KIF6: variants seen among roughly 807,000 people sequenced by gnomAD.
KIF6 encodes kinesin-like protein KIF6.
KIF6 carries 106 observed loss-of-function variants against 112.7 expected under a neutral mutation model. That is an observed-to-expected ratio of 0.94 (90% CI 0.80 to 1.11). The LOEUF is 1.11. Ranked by LOEUF, KIF6 falls within the 50% of genes least tolerant of loss-of-function variation. The probability of loss-of-function intolerance (pLI) is 0.00; values close to 1 mark genes in which losing one functional copy is unlikely to be tolerated. For missense variants in KIF6, 929 were observed against 964.0 expected, an observed-to-expected ratio of 0.96 and a Z score of 0.48; for synonymous variants, 339 against 339.9, an observed-to-expected ratio of 1.00 and a Z score of 0.03.
chr6:39,540,767 T>A (rs1053005812), intron 12 of KIF6, among the ~76,000 whole-genome samples: 2 of 152,228 alleles, frequency 1.3e-5, no homozygotes, highest in East Asian at 3.9e-4. Context: ...TATGTAGAGT[T>A]CACTCAGATG....
chr6:39,390,121 A>G (rs2150321846), intron 15 of KIF6, among the ~76,000 whole-genome samples: 1 of 152,200 alleles, frequency 6.6e-6, no homozygotes, highest in Middle Eastern at 3.5e-3. Flanking sequence ...TTCTTAGTTG[A>G]ATGGGCTAAC....
chr6:39,722,132 T>G (rs771218826), intron 1 of KIF6, among the ~76,000 whole-genome samples: 5 of 152,094 alleles, frequency 3.3e-5, no homozygotes, highest in Non-Finnish European at 5.9e-5. Context: ...AATTATATCC[T>G]GTTGGGCACT....
intron 13 of KIF6, among the ~76,000 whole-genome samples, chr6:39,508,961 C>T (rs1776605859): frequency 6.6e-6 from 1 of 152,158 alleles, no homozygotes; most frequent in Non-Finnish European, 1.5e-5. Flanking sequence ...AACTGGGAGA[C>T]ACCTCCCAGT....
chr6:39,567,887 G>A (rs533178254), intron 10 of KIF6, among the ~76,000 whole-genome samples: 143 of 152,298 alleles, frequency 9.4e-4, no homozygotes, highest in Non-Finnish European at 1.7e-3. Context: ...GATTACAGGT[G>A]TGAGCCACTG....
chr6:39,551,602 T>C (rs933778178), intron 10 of KIF6, among the ~76,000 whole-genome samples: 8 of 152,076 alleles, frequency 5.3e-5, no homozygotes, highest in Non-Finnish European at 1.0e-4. Context: ...ATATCACATG[T>C]CCTATAAATA....
At chr6:39,720,288 T>C (rs562567096) in intron 2 of KIF6, among the ~76,000 whole-genome samples, 1 of 152,192 alleles carries the variant, frequency 6.6e-6, no homozygotes, top group South Asian at 2.1e-4. Context: ...AGATATAGAG[T>C]ATACATATGT....
At chr6:39,680,359 G>T (rs1212699777) in intron 3 of KIF6, among the ~76,000 whole-genome samples, 1 of 152,174 alleles carries the variant, frequency 6.6e-6, no homozygotes, top group East Asian at 1.9e-4. Context: ...GAGCAGACAT[G>T]GCACTTTAAT....
At chr6:39,553,363 C>A (rs897120579) in intron 10 of KIF6, among the ~76,000 whole-genome samples, 4 of 152,290 alleles carry the variant, frequency 2.6e-5, no homozygotes, top group African/African-American at 2.4e-5. Context: ...AAAGCACAGT[C>A]ATGTAGTACC....
At chr6:39,346,655 C>CTT in intron 19 of KIF6, 129 bp from the exon 20 acceptor site, 2 of 531,252 alleles carry the variant, frequency 3.8e-6, no homozygotes, top group Admixed American at 3.4e-5. Context: ...TTCTTTTTTT[C>CTT]TTTTTTTTTG....
At chr6:39,683,161 C>T (rs991189664) in intron 3 of KIF6, among the ~76,000 whole-genome samples, 60 of 152,264 alleles carry the variant, frequency 3.9e-4, no homozygotes, top group African/African-American at 1.2e-3. Context: ...GCCTTTATAG[C>T]ACTTTAAACA....
chr6:39,629,511 T>A (rs1175367756), intron 5 of KIF6, among the ~76,000 whole-genome samples: 1 of 152,136 alleles, frequency 6.6e-6, no homozygotes, highest in East Asian at 1.9e-4. Flanking sequence ...TTTAAAAATT[T>A]GGGCATTTAT....
chr6:39,376,959 C>T (rs909973824), intron 16 of KIF6, among the ~76,000 whole-genome samples: 1 of 152,202 alleles, frequency 6.6e-6, no homozygotes, highest in African/African-American at 2.4e-5. Flanking sequence ...AGTGGCTGTC[C>T]TCACCCTTGC....
At chr6:39,376,774 C>T (rs1356968039) in intron 16 of KIF6, among the ~76,000 whole-genome samples, 1 of 152,048 alleles carries the variant, frequency 6.6e-6, no homozygotes, top group African/African-American at 2.4e-5. Context: ...GAAGTTTGGA[C>T]TATCTGACTT....
At chr6:39,563,258 A>G (rs1316057297) in intron 10 of KIF6, among the ~76,000 whole-genome samples, 1 of 152,196 alleles carries the variant, frequency 6.6e-6, no homozygotes, top group Non-Finnish European at 1.5e-5. Flanking sequence ...AAGAAAATTT[A>G]GAAGACAAAA....
intron 13 of KIF6, among the ~76,000 whole-genome samples, chr6:39,491,655 T>A (rs1469855841): frequency 6.6e-6 from 1 of 152,026 alleles, no homozygotes; most frequent in Non-Finnish European, 1.5e-5. Flanking sequence ...ACTTGTAGAG[T>A]CTGTTAGTGA....
In KIF6 at chr6:39,337,660, C is replaced by T. The variant is rs1354257333; in HGVS notation, c.2429-1112G>A. On this transcript the variant is annotated intron_variant, in intron 22 of 22. Coordinates refer to ENST00000287152, the MANE Select transcript of KIF6 (RefSeq NM_145027.6). ...TCCTACCTAATCCTCAGATTCTCTC[C>T]TTGCTTTTTCCTCCAGATATTAATT... Among the ~76,000 whole-genome samples the T allele has an allele frequency of 2.6e-5, 4 of 152,190 alleles. No individual in the cohort carries two copies. In the East Asian group the frequency reaches 7.7e-4, roughly 29 times the overall value.
chr6:39,574,423 C>A (rs1303199022), intron 10 of KIF6, among the ~76,000 whole-genome samples: 1 of 152,166 alleles, frequency 6.6e-6, no homozygotes, highest in Non-Finnish European at 1.5e-5. Flanking sequence ...TTCATCTTCA[C>A]ATTTGAATAC....
chr6:39,703,505 G>A (rs1561944107), intron 3 of KIF6, among the ~76,000 whole-genome samples: 1 of 151,940 alleles, frequency 6.6e-6, no homozygotes, highest in Non-Finnish European at 1.5e-5. Context: ...TCTTATATTG[G>A]CAAAGCTTTA....
At chr6:39,455,683 A>G (rs2150414374) in intron 13 of KIF6, among the ~76,000 whole-genome samples, 1 of 150,908 alleles carries the variant, frequency 6.6e-6, no homozygotes, top group African/African-American at 2.4e-5. Flanking sequence ...AAAGGAGCTG[A>G]TGGAGCTGAA....
Sources: allele counts gnomAD v4.1 joint callset (sites outside exome capture counted in the v4.1 genomes callset), GRCh38; gene constraint gnomAD v4.1.1; transcripts MANE v1.5; gene names NCBI Gene and HGNC (gene_info 2026-07-23, HGNC 2026-07-21).